The following CNOT1 variants were observed in gnomAD, a reference collection of about 807,000 sequenced individuals.
The protein encoded by CNOT1 is CCR4-associated factor 1.
In CNOT1, 15 loss-of-function variants were observed where a neutral mutation model predicts 273.8. That is an observed-to-expected ratio of 0.05 (90% CI 0.04 to 0.08). The LOEUF is 0.08. Ranked by LOEUF, CNOT1 falls within the 10% of genes least tolerant of loss-of-function variation. The pLI is 1.00. For missense variants in CNOT1, 1,644 were observed against 2,912.2 expected, an observed-to-expected ratio of 0.56 and a Z score of 10.02; for synonymous variants, 1,022 against 1,005.5, an observed-to-expected ratio of 1.02 and a Z score of -0.31.
At chr16:58,598,397 CAAAA>C (rs869048108) in intron 2 of CNOT1, among the ~76,000 whole-genome samples, 4 of 86,438 alleles carry the variant, frequency 4.6e-5, no homozygotes, top group Admixed American at 1.4e-4. Context: ...GACTCCATCT[CAAAA>C]AAAAAAAAAA....
At chr16:58,588,710 T>C (rs974097829) in intron 3 of CNOT1, 89 bp downstream of exon 3, 1 of 1,488,602 alleles carries the variant, frequency 6.7e-7, no homozygotes, top group Non-Finnish European at 9.1e-7. Flanking sequence ...GGATGCTATT[T>C]TGTACGTGTC....
At chr16:58,560,450 T>A (rs79499288) in intron 16 of CNOT1, 88 bp from the exon 17 acceptor site, 4 of 1,085,032 alleles carry the variant, frequency 3.7e-6, no homozygotes, top group Non-Finnish European at 3.9e-6. Context: ...TTTTTTTTTT[T>A]AAGATGGAGT....
chr16:58,565,939 C>CA (rs35857214), intron 16 of CNOT1, among the ~76,000 whole-genome samples: 103,512 of 144,760 alleles, frequency 0.72, 36,611 homozygotes, highest in Middle Eastern at 0.83. Context: ...GACCCTGCCT[C>CA]AAAAAAAAAA....
At chr16:58,618,366 G>A (rs933677659) in intron 1 of CNOT1, among the ~76,000 whole-genome samples, 2 of 151,964 alleles carry the variant, frequency 1.3e-5, no homozygotes, top group Non-Finnish European at 2.9e-5. Context: ...GATGGATCAC[G>A]AGGTCAGGAG....
chr16:58,553,675 T>C, intron 22 of CNOT1, 107 bp downstream of exon 22: 3 of 1,347,768 alleles, frequency 2.2e-6, no homozygotes, highest in Non-Finnish European at 2.9e-6. Flanking sequence ...TGCCAATCAT[T>C]AAGAAATCTT....
intron 40 of CNOT1, 138 bp from the exon 41 acceptor site, chr16:58,532,533 T>C (rs1383562535): frequency 1.4e-6 from 2 of 1,401,546 alleles, no homozygotes; most frequent in Non-Finnish European, 1.9e-6. Flanking sequence ...CAAAATTACA[T>C]GCTGGCAGCC....
intron 25 of CNOT1, 149 bp downstream of exon 25, chr16:58,549,570 T>C: frequency 7.7e-7 from 1 of 1,295,592 alleles, no homozygotes; most frequent in Non-Finnish European, 1.0e-6. Context: ...TAAAATTTAG[T>C]TCCATATAAG....
chr16:58,550,873 A>C (rs2040428958), intron 24 of CNOT1, among the ~76,000 whole-genome samples: 1 of 152,188 alleles, frequency 6.6e-6, no homozygotes, highest in Admixed American at 6.5e-5. Context: ...ATGAGGTATG[A>C]CTAATGACTA....
chr16:58,605,628 C>T (rs2042650139), intron 1 of CNOT1, among the ~76,000 whole-genome samples: 1 of 152,200 alleles, frequency 6.6e-6, no homozygotes, highest in Non-Finnish European at 1.5e-5. Context: ...AAGAAGCAAT[C>T]ATACAATAAA....
chr16:58,539,658 T>C (rs2040027947), intron 35 of CNOT1, 110 bp downstream of exon 35: 2 of 1,151,286 alleles, frequency 1.7e-6, no homozygotes, highest in Non-Finnish European at 2.3e-6. Flanking sequence ...CAGAACTTGA[T>C]TTATATTATG....
chr16:58,620,938 T>C (rs897483113), intron 1 of CNOT1, among the ~76,000 whole-genome samples: 1 of 151,820 alleles, frequency 6.6e-6, no homozygotes, highest in Non-Finnish European at 1.5e-5. Context: ...CAAAAACCAA[T>C]GATAAAGAAA....
At chr16:58,604,346 CCAAGATA>C (rs2042584896) in intron 1 of CNOT1, among the ~76,000 whole-genome samples, 1 of 152,100 alleles carries the variant, frequency 6.6e-6, no homozygotes, top group African/African-American at 2.4e-5. Context: ...AGTTGAGATT[CCAAGATA>C]TTCATTCACT....
At chr16:58,622,941 A>T (rs151812) in intron 1 of CNOT1, among the ~76,000 whole-genome samples, 114,314 of 151,894 alleles carry the variant, frequency 0.75, 43,409 homozygotes, top group Middle Eastern at 0.86. Context: ...CTCACGCCTG[A>T]AATCCCAGCA....
At chr16:58,587,154 G>T (rs780152966) in intron 6 of CNOT1, 47 bp downstream of exon 6, 4 of 1,591,888 alleles carry the variant, frequency 2.5e-6, no homozygotes, top group South Asian at 1.1e-5. Context: ...AAAAACCCAC[G>T]TATTTTAAAG....
At chr16:58,539,480 CACACACACACACAG>C (rs1169336233) in intron 35 of CNOT1, among the ~76,000 whole-genome samples, 1 of 148,584 alleles carries the variant, frequency 6.7e-6, no homozygotes, top group Non-Finnish European at 1.5e-5. Flanking sequence ...CACACACACA[CACACACACACACAG>C]ACACACACAC....
chr16:58,543,647 A>G lies in CNOT1; in HGVS notation c.4394T>C (p.Ile1465Thr). 1.2e-6 allele frequency: 2 copies of G among 1,614,230 alleles called. No individual in the cohort carries two copies. The highest frequency in any genetic ancestry group is 1.7e-6 in the Non-Finnish European group (2 of 1,180,034). The change falls in exon 31 of 49, where the codon ATA becomes ACA. Residue 1465 changes from isoleucine (I) to threonine (T), a missense_variant. This residue lies in a region of CNOT1 where 133 missense variants were observed against 230.4 expected (regional missense o/e 0.58). Transcript: ENST00000317147. Reference protein sequence around the residue: ...ITCREPLLMSISTNLKNSFAS... With the variant: ...ITCREPLLMSTSTNLKNSFAS... ...AAAACTGTTTTTTAAGTTGGTAGAT[A>G]TGCTCATGAGCAAAGGTTCCCTGCA...
At chr16:58,623,062 G>C (rs139296580) in intron 1 of CNOT1, among the ~76,000 whole-genome samples, 2 of 151,812 alleles carry the variant, frequency 1.3e-5, no homozygotes, top group Non-Finnish European at 2.9e-5. Context: ...GCCAAGCGTG[G>C]TGGCAGGCGC....
rs755935658 is a variant in CNOT1, at chr16:58,587,807, G to A, written c.282C>T (p.Ala94=). The part of the protein sequence containing the change: ...KPNFISTLSY[A]IDNPLHYQKS... ...TCTGATAGTGCAATGGATTATCAAT[G>A]GCATAGGACAGCGTCGAGATAAAAT... Residue 94 remains alanine (A), a synonymous_variant, in exon 4 of 49, where the codon GCC becomes GCT. Coordinates refer to ENST00000317147, the MANE Select transcript of CNOT1 (RefSeq NM_016284.5). 1 of 1,613,910 alleles carries A rather than the reference G, an allele frequency of 6.2e-7. No individual in the cohort carries two copies. Among genetic ancestry groups the A allele is most frequent in the Non-Finnish European group, 8.5e-7 (1 of 1,179,998 alleles).
At chr16:58,526,693 G>A (rs970572176) in intron 44 of CNOT1, among the ~76,000 whole-genome samples, 4 of 151,950 alleles carry the variant, frequency 2.6e-5, no homozygotes, top group Non-Finnish European at 4.4e-5. Context: ...TGTGGTGCCT[G>A]TAATCCCAGC....
Sources: gnomAD v4.1 joint callset for allele counts (sites outside exome capture counted in the v4.1 genomes callset) on GRCh38, gnomAD v4.1.1 for gene constraint, gnomAD v4.1.1 regional missense constraint, MANE v1.5 for transcripts, NCBI Gene and HGNC (gene_info 2026-07-23, HGNC 2026-07-21) for gene names.